CAMTA1: variants seen among roughly 807,000 people sequenced by gnomAD.
CAMTA1 encodes the protein calmodulin binding transcription activator 1.
Under a neutral mutation model 170.9 loss-of-function variants are expected in CAMTA1, and 27 were observed. That is an observed-to-expected ratio of 0.16 (90% CI 0.12 to 0.22). The LOEUF is 0.22. CAMTA1 is among the 10% of genes least tolerant of loss of function. CAMTA1 has a pLI of 1.00. For synonymous variants in CAMTA1, 833 were observed against 891.5 expected (o/e 0.93, Z 1.17); for missense variants, 1,619 against 2,217.2 (o/e 0.73, Z 5.42).
intron 3 of CAMTA1, among the ~76,000 whole-genome samples, chr1:6,936,650 C>T (rs1685353927): frequency 2.6e-5 from 4 of 152,158 alleles, no homozygotes; most frequent in Admixed American, 2.6e-4. Flanking sequence ...GACCAGAGCT[C>T]TTTTGCCACC....
chr1:7,283,722 A>C (rs575820496), intron 5 of CAMTA1, among the ~76,000 whole-genome samples: 10 of 152,126 alleles, frequency 6.6e-5, no homozygotes, highest in Non-Finnish European at 1.3e-4. Context: ...TGTCCAAATA[A>C]ACTCCATTCC....
chr1:7,751,355 G>C lies in CAMTA1; in HGVS notation c.4846G>C (p.Ala1616Pro), dbSNP rs749382173. The change falls in exon 20 of 23, where the codon GCT (alanine) becomes CCT (proline). Residue 1616 changes from alanine to proline, a missense_variant. Ala to Pro is a conservative substitution (Grantham distance 27). Around this residue, in one of 8 missense-constraint regions of CAMTA1, gnomAD observed 128 missense variants for 213.5 expected, o/e 0.60. Transcript: ENST00000303635. ...SYKKCGKRRQ[A>P]RRTAVIVQQK... ...TAAGAAATGTGGCAAAAGACGGCAG[G>C]CTCGCCGGACGGCTGTGATTGTACA... 6.2e-7 allele frequency: 1 copy of C among 1,609,342 alleles called. No individual in the cohort carries two copies. The highest frequency in any genetic ancestry group is 2.2e-5 in the East Asian group (1 of 44,792).
intron 4 of CAMTA1, among the ~76,000 whole-genome samples, chr1:7,152,610 G>A (rs948690634): frequency 2.0e-5 from 3 of 152,232 alleles, no homozygotes; most frequent in Non-Finnish European, 4.4e-5. Flanking sequence ...GCTGTCAAGT[G>A]CCTCCTCAGG....
intron 6 of CAMTA1, among the ~76,000 whole-genome samples, chr1:7,502,058 C>T (rs533341396): frequency 5.3e-5 from 8 of 152,248 alleles, no homozygotes; most frequent in Non-Finnish European, 7.3e-5. Context: ...AGCAGCAAGG[C>T]GCCTGCTGGT....
chr1:6,863,261 C>G (rs1315777344), intron 3 of CAMTA1, among the ~76,000 whole-genome samples: 1 of 152,178 alleles, frequency 6.6e-6, no homozygotes, highest in Non-Finnish European at 1.5e-5. Context: ...CTGTACATTA[C>G]AGCCCCAGAA....
intron 4 of CAMTA1, among the ~76,000 whole-genome samples, chr1:7,130,835 T>C (rs1645206233): frequency 6.6e-6 from 1 of 152,250 alleles, no homozygotes; most frequent in Admixed American, 6.5e-5. Context: ...TTTTGCCTCT[T>C]TAAAAAATTG....
At chr1:7,437,724 G>A (rs1167472180) in intron 5 of CAMTA1, among the ~76,000 whole-genome samples, 1 of 152,234 alleles carries the variant, frequency 6.6e-6, no homozygotes, top group Non-Finnish European at 1.5e-5. Flanking sequence ...CTGCAGCTTG[G>A]TGGGTTGGAG....
At chr1:7,530,855 G>T (rs533440132) in intron 6 of CAMTA1, among the ~76,000 whole-genome samples, 1 of 119,826 alleles carries the variant, frequency 8.3e-6, no homozygotes, top group Non-Finnish European at 1.6e-5. Context: ...TGCTCTTGTC[G>T]CCCAGGCTAG....
At chr1:7,361,066 G>A (rs1050396451) in intron 5 of CAMTA1, among the ~76,000 whole-genome samples, 1 of 152,212 alleles carries the variant, frequency 6.6e-6, no homozygotes, top group Non-Finnish European at 1.5e-5. Context: ...AGAGGATTTA[G>A]TAATAGAAGC....
chr1:7,465,968 A>T (rs989346834), intron 5 of CAMTA1, among the ~76,000 whole-genome samples: 2 of 152,238 alleles, frequency 1.3e-5, no homozygotes, highest in Non-Finnish European at 2.9e-5. Context: ...GAAACAGCAG[A>T]TGGAAACCTC....
At chr1:6,863,514 A>G (rs537901471) in intron 3 of CAMTA1, among the ~76,000 whole-genome samples, 1 of 152,350 alleles carries the variant, frequency 6.6e-6, no homozygotes, top group East Asian at 1.9e-4. Context: ...TGGGTGCTCC[A>G]GCCTCATGTC....
At chr1:7,176,087 T>A (rs1356472852) in intron 4 of CAMTA1, among the ~76,000 whole-genome samples, 1 of 152,220 alleles carries the variant, frequency 6.6e-6, no homozygotes, top group African/African-American at 2.4e-5. Flanking sequence ...GACCTCAGAT[T>A]CCTCCTCTTC....
rs2095759933 is a variant in CAMTA1, at chr1:7,641,431, G to T, written c.664+878G>T. On this transcript the variant is annotated intron_variant, in intron 7 of 22. Transcript: ENST00000303635. This position sits in a 1 kb window ranked among gnomAD's most constrained non-coding sequence, Gnocchi z 4.5. ...CCTGGAGCTGGGCTGGAGGGAGGAAGCAGCTGTTGGTCACCATATACAGCG... is the reference window on the plus strand; with the variant it reads ...CCTGGAGCTGGGCTGGAGGGAGGAATCAGCTGTTGGTCACCATATACAGCG... Among the ~76,000 whole-genome samples the T allele has an allele frequency of 6.6e-6, 1 of 152,200 alleles. No homozygotes were observed. Among genetic ancestry groups the T allele is most frequent in the African/African-American group, 2.4e-5 (1 of 41,458 alleles).
At chr1:7,573,309 A>G (rs910141763) in intron 6 of CAMTA1, among the ~76,000 whole-genome samples, 10 of 152,174 alleles carry the variant, frequency 6.6e-5, no homozygotes, top group African/African-American at 2.4e-4. Flanking sequence ...CAGTGGGACT[A>G]TGGTTCCCAT....
At chr1:7,294,655 G>A (rs1261413795) in intron 5 of CAMTA1, among the ~76,000 whole-genome samples, 3 of 152,234 alleles carry the variant, frequency 2.0e-5, no homozygotes, top group Admixed American at 6.5e-5. Context: ...GGTCCCTGGA[G>A]TAGTGGGTTC....
intron 11 of CAMTA1, among the ~76,000 whole-genome samples, chr1:7,688,789 C>A (rs2096280249): frequency 1.3e-5 from 2 of 152,230 alleles, no homozygotes; most frequent in South Asian, 4.1e-4. Flanking sequence ...TTGTCCCCCA[C>A]ATCTGTGACA....
At chr1:6,913,964 G>C (rs545088477) in intron 3 of CAMTA1, among the ~76,000 whole-genome samples, 1 of 152,168 alleles carries the variant, frequency 6.6e-6, no homozygotes, top group African/African-American at 2.4e-5. Context: ...AGGCTACAAG[G>C]CCAGCTTCTT....
chr1:7,505,478 C>G (rs2094089632), intron 6 of CAMTA1, among the ~76,000 whole-genome samples: 1 of 152,180 alleles, frequency 6.6e-6, no homozygotes, highest in Non-Finnish European at 1.5e-5. Flanking sequence ...GGCCCCAGAG[C>G]TGCCTGCTGG....
intron 3 of CAMTA1, among the ~76,000 whole-genome samples, chr1:6,839,607 A>G (rs1270199541): frequency 6.6e-6 from 1 of 152,106 alleles, no homozygotes; most frequent in Non-Finnish European, 1.5e-5. Flanking sequence ...GCTAAGAACA[A>G]AGTAGAGCAG....
Sources: allele counts gnomAD v4.1 joint callset (sites outside exome capture counted in the v4.1 genomes callset), GRCh38; gene constraint gnomAD v4.1.1; regional missense constraint gnomAD v4.1.1; non-coding constraint Gnocchi (gnomAD v3.1); transcripts MANE v1.5; gene names NCBI Gene and HGNC (gene_info 2026-07-23, HGNC 2026-07-21).